STK24: variants seen among roughly 807,000 people sequenced by gnomAD.
The protein encoded by STK24 is serine/threonine-protein kinase 24.
Under a neutral mutation model 55.6 loss-of-function variants are expected in STK24, and 21 were observed. That is an observed-to-expected ratio of 0.38 (90% CI 0.27 to 0.54). STK24 has a LOEUF of 0.54. Among genes scored for constraint, STK24 ranks in the 20% least tolerant of loss-of-function variants. The pLI is 0.79. For synonymous variants in STK24, 200 were observed against 215.2 expected (o/e 0.93, Z 0.62); for missense variants, 383 against 538.4 (o/e 0.71, Z 2.86).
intron 1 of STK24, among the ~76,000 whole-genome samples, chr13:98,574,455 G>A (rs1040711692): frequency 6.6e-6 from 1 of 152,184 alleles, no homozygotes; most frequent in Non-Finnish European, 1.5e-5. Flanking sequence ...TGAATCTTCA[G>A]CAACAACTCT....
rs1893281205 is a variant in STK24, at chr13:98,453,200, T to G, written c.1269A>C (p.Leu423=). The change falls in exon 11 of 11, where the codon CTA becomes CTC. Residue 423 remains leucine, a synonymous_variant. Transcript: ENST00000539966. ...AGTGGGATGAAGTTCCTCCACCACT[T>G]AGAGAGTATCTAGGGAAAAAGAGAG... is the stretch of plus-strand genomic sequence containing the variant. The part of the protein sequence containing the change: ...QLVQRLQRYS[L]SGGGTSSH 4 of 1,613,376 alleles carry G rather than the reference T, an allele frequency of 2.5e-6. No individual in the cohort carries two copies. In the Admixed American group the frequency reaches 5.0e-5, roughly 20 times the overall value.
rs1410706895 is a variant in STK24, at chr13:98,535,366, A to ATAT, written c.43-15894_43-15893insATA. ...CAAACAAACAAACAAACAAACAAAA[A>ATAT]AAAAATATATATATATATATATATG... On this transcript the variant is annotated intron_variant, in intron 1 of 10. Transcript: ENST00000539966. 3.0e-4 allele frequency among the ~76,000 whole-genome samples: 12 copies of ATAT among 39,424 alleles called. No individual in the cohort carries two copies. The East Asian group carries it at 8.7e-3, about 29-fold the overall frequency. 25.9% of individuals were successfully genotyped at this position (39,424 alleles called of 152,430 possible). A position where few individuals can be genotyped will look rare whatever the true frequency, so the allele number is the denominator to read the frequency against.
intron 1 of STK24, among the ~76,000 whole-genome samples, chr13:98,525,786 G>A (rs1219756994): frequency 1.3e-5 from 2 of 152,236 alleles, no homozygotes; most frequent in Non-Finnish European, 2.9e-5. Context: ...ATAAATAATA[G>A]TATCTATCTC....
rs1897656940 is a variant in STK24 at position 98,568,788 on chromosome 13, A to T, written c.42+7957T>A. Among the ~76,000 whole-genome samples the T allele has an allele frequency of 3.3e-5, 5 of 152,270 alleles. No individual in the cohort carries two copies. The South Asian group carries it at 1.0e-3, about 32-fold the overall frequency. ...GAGGCTGAGGCAGGAGAATCACTGGAACCTGGGGGGGCAGATGTTGCAGTG... is the reference window on the plus strand; with the variant it reads ...GAGGCTGAGGCAGGAGAATCACTGGTACCTGGGGGGGCAGATGTTGCAGTG... On this transcript the variant is annotated intron_variant, in intron 1 of 10. Coordinates refer to ENST00000539966, the MANE Select transcript of STK24 (RefSeq NM_001032296.4).
intron 5 of STK24, among the ~76,000 whole-genome samples, chr13:98,473,804 G>A (rs1232548208): frequency 6.6e-6 from 1 of 152,244 alleles, no homozygotes; most frequent in African/African-American, 2.4e-5. Context: ...CCTGCAACTT[G>A]AGCTACAACC....
intron 1 of STK24, among the ~76,000 whole-genome samples, chr13:98,532,346 A>G (rs953054612): frequency 2.0e-5 from 3 of 151,624 alleles, no homozygotes; most frequent in Middle Eastern, 3.2e-3. Context: ...CCTCCCCACC[A>G]CCTTGCCAGA....
Position 98,521,003 on chromosome 13 carries a change from G to A in STK24, c.43-1530C>T, listed in dbSNP as rs554741069. Among the ~76,000 whole-genome samples, 89 of 152,300 alleles carry A rather than the reference G, an allele frequency of 5.8e-4. 1 individual carries two copies. Among genetic ancestry groups the A allele is most frequent in the Admixed American group, 3.2e-3 (49 of 15,308 alleles). ...CTTGCGTGGTGGACATATACCCAAC[G>A]GGAAATGCGTCCTGGGGTTACCAAG... On this transcript the variant is annotated intron_variant, in intron 1 of 10. Transcript: ENST00000539966.
chr13:98,518,109 T>A (rs908016712), intron 2 of STK24, among the ~76,000 whole-genome samples: 4 of 152,226 alleles, frequency 2.6e-5, no homozygotes, highest in Non-Finnish European at 5.9e-5. Flanking sequence ...AAACTCACTC[T>A]TTCCATTTCA....
At chr13:98,501,287 C>G (rs1895452058) in intron 2 of STK24, among the ~76,000 whole-genome samples, 1 of 152,212 alleles carries the variant, frequency 6.6e-6, no homozygotes, top group African/African-American at 2.4e-5. Flanking sequence ...TCCCTCCTCA[C>G]AGAGCTGTGG....
At chr13:98,462,844 T>C (rs1460004492) in intron 7 of STK24, among the ~76,000 whole-genome samples, 5 of 152,174 alleles carry the variant, frequency 3.3e-5, no homozygotes, top group African/African-American at 9.7e-5. Context: ...GCCTGGAACA[T>C]TGGCTTCCCT....
chr13:98,503,024 G>GTTTTTGTTTTTTT (rs1895540930), intron 2 of STK24, among the ~76,000 whole-genome samples: 1 of 107,084 alleles, frequency 9.3e-6, no homozygotes, highest in African/African-American at 4.0e-5. Flanking sequence ...CTTTCCATGT[G>GTTTTTGTTTTTTT]TTTTTTTTTT....
intron 1 of STK24, among the ~76,000 whole-genome samples, chr13:98,544,272 T>C (rs1365119487): frequency 1.3e-5 from 2 of 152,176 alleles, no homozygotes; most frequent in Non-Finnish European, 2.9e-5. Flanking sequence ...CAGGAGGCTC[T>C]GAAACTGAGG....
intron 3 of STK24, among the ~76,000 whole-genome samples, chr13:98,481,761 C>A (rs1894590058): frequency 6.6e-6 from 1 of 152,002 alleles, no homozygotes; most frequent in Admixed American, 6.5e-5. Flanking sequence ...CAAAAGCAGA[C>A]AGACAGGCAT....
intron 5 of STK24, among the ~76,000 whole-genome samples, chr13:98,470,760 CAAAT>C (rs1297515001): frequency 6.6e-6 from 1 of 152,140 alleles, no homozygotes; most frequent in African/African-American, 2.4e-5. Context: ...AATATCATGT[CAAAT>C]AAAGTACGCT....
chr13:98,491,610 C>G, intron 2 of STK24, among the ~76,000 whole-genome samples: 1 of 151,454 alleles, frequency 6.6e-6, no homozygotes, highest in Non-Finnish European at 1.5e-5. Flanking sequence ...ACTGGAAACA[C>G]TGCAACACCA....
intron 1 of STK24, among the ~76,000 whole-genome samples, chr13:98,545,957 C>A (rs78574601): frequency 1.3e-5 from 2 of 151,962 alleles, no homozygotes; most frequent in East Asian, 1.9e-4. Context: ...CTAAAAAAAA[C>A]ATGAAAGTTT....
chr13:98,545,416 G>A (rs1417970245), intron 1 of STK24, among the ~76,000 whole-genome samples: 1 of 152,138 alleles, frequency 6.6e-6, no homozygotes, highest in African/African-American at 2.4e-5. Flanking sequence ...GGAGGCCGAG[G>A]CGGGTGGATC....
At position 98,495,393 on chromosome 13, in the gene STK24, A is replaced by G. The variant is rs555984128; in HGVS notation, c.274-13072T>C. On this transcript the variant is annotated intron_variant, in intron 2 of 10. Coordinates refer to ENST00000539966, the MANE Select transcript of STK24 (RefSeq NM_001032296.4). ...TATGGCATAATTATTTTATTGAAAT[A>G]TATCAGATGTGTTTAGATACCCCAG... Among the ~76,000 whole-genome samples the G allele has an allele frequency of 1.2e-3, 176 of 152,394 alleles. 1 individual carries two copies. The highest frequency in any genetic ancestry group is 1.9e-3 in the Non-Finnish European group (128 of 68,044).
At chr13:98,527,852 G>A (rs1896476192) in intron 1 of STK24, among the ~76,000 whole-genome samples, 1 of 152,226 alleles carries the variant, frequency 6.6e-6, no homozygotes, top group Non-Finnish European at 1.5e-5. Flanking sequence ...GGGAGGGACA[G>A]TCATCACCTG....
Sources: allele counts gnomAD v4.1 joint callset (sites outside exome capture counted in the v4.1 genomes callset), GRCh38; gene constraint gnomAD v4.1.1; transcripts MANE v1.5; gene names NCBI Gene and HGNC (gene_info 2026-07-23, HGNC 2026-07-21).